FAM193A: variants seen among roughly 807,000 people sequenced by gnomAD.
FAM193A encodes family with sequence similarity 193 member A.
FAM193A carries 22 observed loss-of-function variants against 126.5 expected under a neutral mutation model. The observed-to-expected ratio is 0.17, with a 90% CI of 0.12 to 0.25. FAM193A has a LOEUF of 0.25. Among genes scored for constraint, FAM193A ranks in the 10% least tolerant of loss-of-function variants. FAM193A has a pLI of 1.00. For synonymous variants in FAM193A, 761 were observed against 646.8 expected (o/e 1.18, Z -2.68); for missense variants, 1,675 against 1,672.8 (o/e 1.00, Z -0.02).
At chr4:2,615,135 C>T (rs997800408) in intron 2 of FAM193A, 3 of 152,076 alleles carry the variant, frequency 2.0e-5, no homozygotes, top group Non-Finnish European at 4.4e-5. Context: ...TAAGAGCAGT[C>T]AAACAAAGCA....
intron 1 of FAM193A, among the ~76,000 whole-genome samples, chr4:2,538,094 A>G (rs969285829): frequency 6.6e-6 from 1 of 152,154 alleles, no homozygotes; most frequent in East Asian, 1.9e-4. Context: ...CGTTCTTATA[A>G]TGTTATTTAA....
In FAM193A at chr4:2,580,896, G is replaced by A. The variant is rs533714233; in HGVS notation, c.256-15188G>A. ...TGTAATCCCAGCACTTTGGGAGGCCGAGGCGGGCAGATCACAAGGTCAGGA... is the reference window on the plus strand; with the variant it reads ...TGTAATCCCAGCACTTTGGGAGGCCAAGGCGGGCAGATCACAAGGTCAGGA... On this transcript the variant is annotated intron_variant, in intron 1 of 20. Coordinates refer to ENST00000637812, the MANE Select transcript of FAM193A (RefSeq NM_001366318.2). Among the ~76,000 whole-genome samples the A allele has an allele frequency of 1.4e-3, 217 of 152,284 alleles. 1 individual carries two copies. The highest frequency in any genetic ancestry group is 2.1e-3 in the Non-Finnish European group (140 of 68,016).
chr4:2,642,003 G>A (rs1310673593), intron 6 of FAM193A, among the ~76,000 whole-genome samples: 3 of 151,124 alleles, frequency 2.0e-5, no homozygotes, highest in Non-Finnish European at 3.0e-5. Flanking sequence ...TTGGGAGGTC[G>A]AGGCGGGCCA....
chr4:2,727,307 A>T (rs1720872035), intron 20 of FAM193A, among the ~76,000 whole-genome samples: 1 of 152,222 alleles, frequency 6.6e-6, no homozygotes, highest in African/African-American at 2.4e-5. Context: ...TGGTGCATGA[A>T]GGTGAGTTCT....
At chr4:2,554,369 C>T (rs1738131131) in intron 1 of FAM193A, among the ~76,000 whole-genome samples, 1 of 152,174 alleles carries the variant, frequency 6.6e-6, no homozygotes, top group African/African-American at 2.4e-5. Flanking sequence ...AGTCTTGAAA[C>T]CACCGTGTCC....
chr4:2,703,841 G>A (rs1050765355), intron 19 of FAM193A, among the ~76,000 whole-genome samples: 8 of 150,720 alleles, frequency 5.3e-5, no homozygotes, highest in Admixed American at 4.6e-4. Context: ...GCATGGTGGT[G>A]CACGCCTGTA....
chr4:2,557,045 T>A (rs1437606612), intron 1 of FAM193A, among the ~76,000 whole-genome samples: 1 of 152,342 alleles, frequency 6.6e-6, no homozygotes, highest in Admixed American at 6.5e-5. Context: ...AAATTGCAGA[T>A]AATACTCAAC....
intron 1 of FAM193A, among the ~76,000 whole-genome samples, chr4:2,589,829 A>T (rs1309247188): frequency 1.3e-5 from 2 of 152,204 alleles, no homozygotes; most frequent in Admixed American, 1.3e-4. Flanking sequence ...ACTTGAGTGC[A>T]GGTAGCTAAT....
intron 1 of FAM193A, among the ~76,000 whole-genome samples, chr4:2,574,215 T>C (rs1739452841): frequency 1.3e-5 from 2 of 150,572 alleles, no homozygotes; most frequent in African/African-American, 5.0e-5. Flanking sequence ...TGCTGCACTC[T>C]CTTGACATGT....
intron 2 of FAM193A, among the ~76,000 whole-genome samples, chr4:2,598,588 C>G (rs1426925548): frequency 6.6e-6 from 1 of 152,212 alleles, no homozygotes; most frequent in African/African-American, 2.4e-5. Context: ...GTTTCTTCTC[C>G]TTTCTGGAAG....
intron 6 of FAM193A, among the ~76,000 whole-genome samples, chr4:2,645,412 C>A (rs964517008): frequency 6.6e-6 from 1 of 152,202 alleles, no homozygotes; most frequent in African/African-American, 2.4e-5. Flanking sequence ...CGCCATCTTG[C>A]TCAGTCTTTT....
rs772961800 is a variant in FAM193A at position 2,690,891 on chromosome 4, C to T, written c.2724C>T (p.Ser908=). Residue 908 remains serine, a synonymous_variant, in exon 15 of 21, where the codon TCC becomes TCT. Coordinates refer to ENST00000637812, the MANE Select transcript of FAM193A (RefSeq NM_001366318.2). ...KVVMATSSAT[S]SVSCTATTVQ... is the part of the protein sequence containing the mutation. ...TCATGGCCACGTCATCAGCCACGTCCTCTGTGTCCTGCACAGCTACCACAG... is the reference window on the plus strand; with the variant it reads ...TCATGGCCACGTCATCAGCCACGTCTTCTGTGTCCTGCACAGCTACCACAG... 26 of 1,614,088 alleles carry T rather than the reference C, an allele frequency of 1.6e-5. No homozygotes were observed. The Admixed American group carries it at 4.0e-4, about 25-fold the overall frequency.
At chr4:2,682,224 T>A (rs1011359778) in intron 13 of FAM193A, among the ~76,000 whole-genome samples, 1 of 152,162 alleles carries the variant, frequency 6.6e-6, no homozygotes, top group Non-Finnish European at 1.5e-5. Context: ...GACCTTGTGA[T>A]CCGCCCACCT....
rs1280568144 is a variant in FAM193A, at chr4:2,631,140, C to T, written c.1009C>T (p.Arg337Cys). ...GTACGGCGCCCTCTGCCAGGCCGCA[C>T]GCTCCATCAGCACCTTCCTTGGCAC... ...EEYGALCQAA[R>C]SISTFLGTLE... The change falls in exon 5 of 21, where the codon CGC becomes TGC. Residue 337 changes from arginine to cysteine, a missense_variant. By Grantham distance (180) the Arg-to-Cys change is radical (BLOSUM62 -3). This residue lies in a region of FAM193A where 1,186 missense variants were observed against 1,109.2 expected (regional missense o/e 1.07). Transcript: ENST00000637812. 29 of 1,612,594 alleles carry T rather than the reference C, an allele frequency of 1.8e-5. No individual in the cohort carries two copies. Among genetic ancestry groups the T allele is most frequent in the Middle Eastern group, 1.6e-4 (1 of 6,080 alleles).
At chr4:2,564,412 T>C (rs1157441459) in intron 1 of FAM193A, among the ~76,000 whole-genome samples, 3 of 152,030 alleles carry the variant, frequency 2.0e-5, no homozygotes, top group Non-Finnish European at 4.4e-5. Flanking sequence ...AAAGGTCTAG[T>C]GGAAAAGGCT....
intron 12 of FAM193A, among the ~76,000 whole-genome samples, chr4:2,665,625 C>T (rs1713021239): frequency 6.6e-6 from 1 of 152,188 alleles, no homozygotes; most frequent in Admixed American, 6.5e-5. Context: ...CTTGCTGCCT[C>T]AGCCTCCCAG....
intron 1 of FAM193A, among the ~76,000 whole-genome samples, chr4:2,582,101 CA>C (rs1198892811): frequency 1.3e-5 from 2 of 151,994 alleles, no homozygotes; most frequent in African/African-American, 4.8e-5. Context: ...TTTGTTCTTC[CA>C]TGTGTAATGT....
intron 4 of FAM193A, among the ~76,000 whole-genome samples, chr4:2,629,586 T>A (rs767626321): frequency 6.6e-6 from 1 of 152,238 alleles, no homozygotes; most frequent in Non-Finnish European, 1.5e-5. Flanking sequence ...GTGACAACTT[T>A]CTTTTCTTTT....
chr4:2,591,266 AGT>A (rs1446504057), intron 1 of FAM193A, among the ~76,000 whole-genome samples: 1 of 152,148 alleles, frequency 6.6e-6, no homozygotes, highest in East Asian at 1.9e-4. Context: ...TTGGGGCGGG[AGT>A]GTGGAACTGT....
Sources: gnomAD v4.1 joint callset for allele counts (sites outside exome capture counted in the v4.1 genomes callset) on GRCh38, gnomAD v4.1.1 for gene constraint, gnomAD v4.1.1 regional missense constraint, MANE v1.5 for transcripts, NCBI Gene and HGNC (gene_info 2026-07-23, HGNC 2026-07-21) for gene names.